The following NPAS3 variants were observed in gnomAD, a reference collection of about 807,000 sequenced individuals.
NPAS3 encodes the protein neuronal PAS domain protein 3.
Under a neutral mutation model 73.1 loss-of-function variants are expected in NPAS3, and 14 were observed. The observed-to-expected ratio is 0.19, with a 90% CI of 0.13 to 0.30. The LOEUF is 0.30. Ranked by LOEUF, NPAS3 falls within the 10% of genes least tolerant of loss-of-function variation. NPAS3 has a pLI of 1.00. For synonymous variants in NPAS3, 620 were observed against 541.5 expected (o/e 1.14, Z -2.01); for missense variants, 1,096 against 1,250.0 (o/e 0.88, Z 1.86).
chr14:33,679,565 C>T (rs1044223760), intron 6 of NPAS3, among the ~76,000 whole-genome samples: 1 of 151,940 alleles, frequency 6.6e-6, no homozygotes, highest in Non-Finnish European at 1.5e-5. Context: ...CTTTTTTAAA[C>T]GGTGTAATTT....
intron 5 of NPAS3, among the ~76,000 whole-genome samples, chr14:33,660,554 T>G (rs1392152474): frequency 6.6e-6 from 1 of 152,214 alleles, no homozygotes; most frequent in Non-Finnish European, 1.5e-5. Flanking sequence ...TTGAATCAGA[T>G]TAAAAACACA....
rs568191221 is a variant in NPAS3 at position 33,201,733 on chromosome 14, TG to T, written c.141-13448del. On this transcript the variant is annotated intron_variant, in intron 2 of 11. Transcript: ENST00000356141. ...CAATTATTCAGTGGATTATAGGTTC[TG>T]ATACTAAAGTTATTTGTGGATGCTT... 1.8e-3 allele frequency among the ~76,000 whole-genome samples: 273 copies of T among 152,310 alleles called. 3 individuals are homozygous for T. Among genetic ancestry groups the T allele is most frequent in the Non-Finnish European group, 4.1e-4 (28 of 68,034 alleles).
At chr14:33,774,449 C>T (rs753958194) in exon 8 of NPAS3, 12 of 1,614,036 alleles carry the variant, frequency 7.4e-6, no homozygotes, top group East Asian at 2.2e-5. Flanking sequence ...CCTCCCCCTA[C>T]GATCAATGAA....
intron 3 of NPAS3, among the ~76,000 whole-genome samples, chr14:33,280,981 C>T (rs1308303087): frequency 2.0e-5 from 3 of 152,074 alleles, no homozygotes; most frequent in Non-Finnish European, 4.4e-5. Flanking sequence ...TTATATATAC[C>T]AAATTCTTGT....
At chr14:33,151,158 G>A (rs1374963791) in intron 2 of NPAS3, among the ~76,000 whole-genome samples, 1 of 152,152 alleles carries the variant, frequency 6.6e-6, no homozygotes, top group Non-Finnish European at 1.5e-5. Context: ...GGCATAACCG[G>A]CCTCTTTGTC....
chr14:33,300,158 G>A (rs2042470881), intron 3 of NPAS3, among the ~76,000 whole-genome samples: 1 of 152,148 alleles, frequency 6.6e-6, no homozygotes, highest in Non-Finnish European at 1.5e-5. Context: ...AAAATATCTA[G>A]GATAGTATTC....
At chr14:33,570,598 A>G (rs72682325) in intron 5 of NPAS3, among the ~76,000 whole-genome samples, 17,355 of 152,222 alleles carry the variant, frequency 0.11, 1,072 homozygotes, top group African/African-American at 0.16. Context: ...CCATTCCACT[A>G]CATTTCAAAA....
At chr14:33,613,097 T>C (rs114582347) in intron 5 of NPAS3, among the ~76,000 whole-genome samples, 3,029 of 152,350 alleles carry the variant, frequency 0.02, 102 homozygotes, top group African/African-American at 0.069. Context: ...GAGTGATTAC[T>C]ATGTTCAAAT....
intron 2 of NPAS3, among the ~76,000 whole-genome samples, chr14:33,080,561 G>A (rs1394517890): frequency 1.3e-5 from 2 of 152,192 alleles, no homozygotes; most frequent in African/African-American, 4.8e-5. Flanking sequence ...CATGAAATCA[G>A]TTAAAGTTGG....
chr14:33,743,471 C>A (rs1595537057), intron 7 of NPAS3, among the ~76,000 whole-genome samples: 1 of 152,284 alleles, frequency 6.6e-6, no homozygotes, highest in Admixed American at 6.5e-5. Context: ...TACAGATGTG[C>A]TGTCATCCAG....
At chr14:33,579,929 T>A (rs761204188) in intron 5 of NPAS3, among the ~76,000 whole-genome samples, 18 of 152,306 alleles carry the variant, frequency 1.2e-4, no homozygotes, top group Admixed American at 3.3e-4. Flanking sequence ...ACCATATGGA[T>A]CTCCTTATAA....
At chr14:33,786,651 G>T (rs2063184151) in intron 9 of NPAS3, among the ~76,000 whole-genome samples, 1 of 152,218 alleles carries the variant, frequency 6.6e-6, no homozygotes, top group Non-Finnish European at 1.5e-5. Context: ...AGTTGTCACT[G>T]TTGTAAACTT....
At chr14:33,799,266 C>G (rs1311989800) in intron 11 of NPAS3, among the ~76,000 whole-genome samples, 1 of 152,166 alleles carries the variant, frequency 6.6e-6, no homozygotes, top group Non-Finnish European at 1.5e-5. Flanking sequence ...AACAAATATT[C>G]ACCAAGGGAA....
intron 3 of NPAS3, among the ~76,000 whole-genome samples, chr14:33,358,771 G>T (rs957255768): frequency 1.3e-5 from 2 of 152,204 alleles, no homozygotes; most frequent in Non-Finnish European, 2.9e-5. Flanking sequence ...AATATTTCCT[G>T]TGGATACTTT....
At chr14:33,185,750 G>A (rs1482460660) in intron 2 of NPAS3, among the ~76,000 whole-genome samples, 1 of 152,170 alleles carries the variant, frequency 6.6e-6, no homozygotes, top group East Asian at 1.9e-4. Context: ...CTTCAGAAGA[G>A]AGCCACTCGG....
At chr14:33,260,173 C>T (rs1364309017) in intron 3 of NPAS3, among the ~76,000 whole-genome samples, 3 of 152,198 alleles carry the variant, frequency 2.0e-5, no homozygotes, top group East Asian at 3.9e-4. Context: ...AAAGGAGTAA[C>T]GTTACTTCTT....
intron 4 of NPAS3, among the ~76,000 whole-genome samples, chr14:33,473,010 T>C (rs2050857312): frequency 7.0e-6 from 1 of 143,458 alleles, no homozygotes; most frequent in African/African-American, 3.0e-5. Flanking sequence ...GGGGGAACTG[T>C]AAGCATGTTT....
rs777125611 is a variant in NPAS3, at chr14:33,800,141, G to A, written c.1834G>A (p.Ala612Thr). 46 of 1,587,608 alleles carry A rather than the reference G, an allele frequency of 2.9e-5. No individual in the cohort carries two copies. The highest frequency in any genetic ancestry group is 3.8e-5 in the Non-Finnish European group (44 of 1,168,494). Residue 612 changes from alanine (A) to threonine (T), a missense_variant, in exon 12 of 12, where the codon GCC becomes ACC. Physicochemically the swap from Ala to Thr is moderately conservative, Grantham distance 58. Coordinates refer to ENST00000356141, the Ensembl canonical transcript of NPAS3. The surrounding 1 kb of genome is among the most constrained non-coding windows in gnomAD (Gnocchi z 6.5). ...GCGGAAACGGCAAAAGGGCGGCAGCGCCAGCCGCCGGCGCCTGTCCAGCGC... is the reference window on the plus strand; with the variant it reads ...GCGGAAACGGCAAAAGGGCGGCAGCACCAGCCGCCGGCGCCTGTCCAGCGC...
chr14:33,741,453 C>T (rs2061653728), intron 7 of NPAS3, among the ~76,000 whole-genome samples: 1 of 152,048 alleles, frequency 6.6e-6, no homozygotes. Flanking sequence ...AGAGGTTATC[C>T]TGATGAAAAA....
Sources: gnomAD v4.1 joint callset for allele counts (sites outside exome capture counted in the v4.1 genomes callset) on GRCh38, gnomAD v4.1.1 for gene constraint, Gnocchi (gnomAD v3.1) non-coding constraint, MANE v1.5 for transcripts, NCBI Gene and HGNC (gene_info 2026-07-23, HGNC 2026-07-21) for gene names.